Variants in CNTNAP2 observed in about 807,000 individuals in gnomAD.
CNTNAP2 encodes contactin-associated protein-like 2.
CNTNAP2 carries 98 observed loss-of-function variants against 155.2 expected under a neutral mutation model. The observed-to-expected ratio is 0.63, with a 90% CI of 0.54 to 0.75. The LOEUF (loss-of-function observed/expected upper bound fraction) is 0.75. Among genes scored for constraint, CNTNAP2 ranks in the 30% least tolerant of loss-of-function variants. The probability of loss-of-function intolerance (pLI) is 0.00; values close to 1 mark genes in which losing one functional copy is unlikely to be tolerated. For missense variants in CNTNAP2, 1,727 were observed against 1,688.1 expected, an observed-to-expected ratio of 1.02 and a Z score of -0.40; for synonymous variants, 651 against 631.2, an observed-to-expected ratio of 1.03 and a Z score of -0.47.
chr7:147,975,234 A>G (rs551650636), intron 14 of CNTNAP2, among the ~76,000 whole-genome samples: 43 of 152,246 alleles, frequency 2.8e-4, no homozygotes, highest in African/African-American at 8.9e-4. Flanking sequence ...CCATGCACAT[A>G]AAGGTCAAGA....
At chr7:148,055,969 G>A (rs1462963619) in intron 15 of CNTNAP2, among the ~76,000 whole-genome samples, 1 of 152,168 alleles carries the variant, frequency 6.6e-6, no homozygotes, top group Non-Finnish European at 1.5e-5. Flanking sequence ...AACTTGGCCT[G>A]TACCCTCTAA....
chr7:146,993,852 G>C lies in CNTNAP2; in HGVS notation c.403-50055G>C, dbSNP rs181331564. ...TGAGCATTGCAAATTAGTTATTCTA[G>C]ATGAAACAAAAAAGGCTTGCCTTTG... is the stretch of plus-strand genomic sequence containing the variant. On this transcript the variant is annotated intron_variant, in intron 3 of 23. Coordinates refer to ENST00000361727, the MANE Select transcript of CNTNAP2 (RefSeq NM_014141.6). Among the ~76,000 whole-genome samples, 4 of 152,094 alleles carry C rather than the reference G, an allele frequency of 2.6e-5. No homozygotes were observed. The East Asian group carries it at 7.8e-4, about 30-fold the overall frequency.
At chr7:146,687,483 G>T (rs114084958) in intron 1 of CNTNAP2, among the ~76,000 whole-genome samples, 1 of 151,998 alleles carries the variant, frequency 6.6e-6, no homozygotes, top group Non-Finnish European at 1.5e-5. Flanking sequence ...CCTTTTTGTC[G>T]TGTATCACCA....
intron 9 of CNTNAP2, chr7:147,377,940 A>C (rs1035427790): frequency 2.9e-5 from 13 of 449,714 alleles, no homozygotes; most frequent in Non-Finnish European, 4.1e-5. Flanking sequence ...TCTGAATCTG[A>C]ATTTTTAAAT....
intron 13 of CNTNAP2, among the ~76,000 whole-genome samples, chr7:147,899,333 CT>C (rs1799825177): frequency 6.6e-6 from 1 of 152,028 alleles, no homozygotes; most frequent in Non-Finnish European, 1.5e-5. Flanking sequence ...GAGTGAGACC[CT>C]GTCTTAAAAA....
At chr7:147,245,310 G>A (rs1322030481) in intron 8 of CNTNAP2, among the ~76,000 whole-genome samples, 2 of 152,026 alleles carry the variant, frequency 1.3e-5, no homozygotes, top group South Asian at 4.2e-4. Context: ...ATTCTCTAGA[G>A]AATGCATTGT....
chr7:147,028,063 TGA>T (rs907592182), intron 3 of CNTNAP2, among the ~76,000 whole-genome samples: 61 of 152,292 alleles, frequency 4.0e-4, no homozygotes, highest in African/African-American at 1.3e-3. Context: ...TAGATGGGAA[TGA>T]GACCTCGTAG....
chr7:147,004,886 G>T (rs551299055), intron 3 of CNTNAP2, among the ~76,000 whole-genome samples: 1 of 152,110 alleles, frequency 6.6e-6, no homozygotes, highest in South Asian at 2.1e-4. Context: ...AAAATATATT[G>T]TTGAGTAAGA....
In CNTNAP2 at chr7:146,151,688, ATATATATATG is replaced by A. The variant is rs1562969090; in HGVS notation, c.97+34725_97+34734del. On this transcript the variant is annotated intron_variant, in intron 1 of 23. Coordinates refer to ENST00000361727, the MANE Select transcript of CNTNAP2 (RefSeq NM_014141.6). ...TATATATATATATATATATGTATAT[ATATATATATG>A]TATATATATATATATGTATATATAT... 4.3e-3 allele frequency among the ~76,000 whole-genome samples: 172 copies of A among 39,626 alleles called. 2 individuals carry two copies. Among genetic ancestry groups the A allele is most frequent in the African/African-American group, 0.014 (118 of 8,574 alleles). The allele number at this position is 39,626 out of a possible 152,430, so 26.0% of individuals were successfully genotyped here. A position where few individuals can be genotyped will look rare whatever the true frequency, so the allele number is the denominator to read the frequency against.
chr7:147,541,399 A>C (rs1301785313), intron 11 of CNTNAP2, among the ~76,000 whole-genome samples: 1 of 152,230 alleles, frequency 6.6e-6, no homozygotes, highest in Non-Finnish European at 1.5e-5. Flanking sequence ...AAGGCACAAC[A>C]CTTACAAAAC....
chr7:146,715,753 T>C (rs959207566), intron 1 of CNTNAP2, among the ~76,000 whole-genome samples: 5 of 152,346 alleles, frequency 3.3e-5, no homozygotes, highest in Middle Eastern at 3.4e-3. Context: ...AAATATTTTT[T>C]ATTGTAGCCT....
chr7:147,390,315 A>G (rs960718987), intron 9 of CNTNAP2, among the ~76,000 whole-genome samples: 1 of 152,194 alleles, frequency 6.6e-6, no homozygotes, highest in African/African-American at 2.4e-5. Flanking sequence ...TATACTTTGT[A>G]TTAGTTATAT....
chr7:147,051,669 A>G (rs1291572981), intron 4 of CNTNAP2, among the ~76,000 whole-genome samples: 2 of 152,142 alleles, frequency 1.3e-5, no homozygotes, highest in Non-Finnish European at 2.9e-5. Flanking sequence ...AGTTAGCAAC[A>G]TAAGTCTCAT....
intron 8 of CNTNAP2, among the ~76,000 whole-genome samples, chr7:147,177,814 A>C (rs1255748235): frequency 6.6e-6 from 1 of 152,120 alleles, no homozygotes; most frequent in Non-Finnish European, 1.5e-5. Context: ...CGTAACTCTT[A>C]CTTCAATTTC....
rs200939936 is a variant in CNTNAP2, at chr7:147,775,241, A to T, written c.2099-128324A>T. Among the ~76,000 whole-genome samples, 99 of 113,208 alleles carry T rather than the reference A, an allele frequency of 8.7e-4. 1 individual carries two copies. The East Asian group carries it at 0.011, about 12-fold the overall frequency. The allele number at this position is 113,208 out of a possible 152,430, so 74.3% of individuals were successfully genotyped here. A position where few individuals can be genotyped will look rare whatever the true frequency, so the allele number is the denominator to read the frequency against. On this transcript the variant is annotated intron_variant, in intron 13 of 23. Transcript: ENST00000361727. ...AAATACAAAAGAAATATATATATAT[A>T]TTTATATATATATTTATAAATATAT...
At chr7:146,279,435 C>T (rs913312132) in intron 1 of CNTNAP2, among the ~76,000 whole-genome samples, 1 of 141,958 alleles carries the variant, frequency 7.0e-6, no homozygotes, top group South Asian at 2.1e-4. Context: ...CTTAAACACA[C>T]ACACACACAC....
intron 15 of CNTNAP2, among the ~76,000 whole-genome samples, chr7:147,989,719 A>G (rs1801677905): frequency 6.6e-6 from 1 of 152,192 alleles, no homozygotes; most frequent in African/African-American, 2.4e-5. Flanking sequence ...CTGAGTCCCC[A>G]GGGACAATGT....
chr7:146,639,316 C>T (rs1015327135), intron 1 of CNTNAP2, among the ~76,000 whole-genome samples: 3 of 152,142 alleles, frequency 2.0e-5, no homozygotes, highest in Admixed American at 6.5e-5. Context: ...GATGTGACAT[C>T]GTTCTCTACT....
At chr7:146,706,104 C>A (rs183158868) in intron 1 of CNTNAP2, among the ~76,000 whole-genome samples, 1 of 150,834 alleles carries the variant, frequency 6.6e-6, no homozygotes, top group East Asian at 1.9e-4. Context: ...ACACCCCTAC[C>A]AGTCATGACA....
Sources: gnomAD v4.1 joint callset for allele counts (sites outside exome capture counted in the v4.1 genomes callset) on GRCh38, gnomAD v4.1.1 for gene constraint, MANE v1.5 for transcripts, NCBI Gene and HGNC (gene_info 2026-07-23, HGNC 2026-07-21) for gene names.